The following MAMLD1 variants were observed in gnomAD, a reference collection of about 807,000 sequenced individuals.
The protein encoded by MAMLD1 is mastermind-like domain-containing protein 1.
Under a neutral mutation model 45.0 loss-of-function variants are expected in MAMLD1, and 14 were observed. That is an observed-to-expected ratio of 0.31 (90% CI 0.21 to 0.49). MAMLD1 has a LOEUF of 0.49. Among genes scored for constraint, MAMLD1 ranks in the 20% least tolerant of loss-of-function variants. The probability of loss-of-function intolerance (pLI) is 0.99; values close to 1 mark genes in which losing one functional copy is unlikely to be tolerated. For missense variants in MAMLD1, 543 were observed against 603.6 expected (o/e 0.90, Z 1.05); for synonymous variants, 254 against 247.8 (o/e 1.02, Z -0.24).
At chrX:150,476,259 T>G (rs892615912) in intron 5 of MAMLD1, among the ~76,000 whole-genome samples, 1 of 111,921 alleles carries the variant, frequency 8.9e-6, no homozygotes, top group South Asian at 3.7e-4. Context: ...GTGATATATC[T>G]TGATGTTTAA....
At chrX:150,380,563 G>A (rs1163345449) in intron 1 of MAMLD1, among the ~76,000 whole-genome samples, 1 of 109,817 alleles carries the variant, frequency 9.1e-6, no homozygotes, top group Non-Finnish European at 1.9e-5. Flanking sequence ...TATCATATCC[G>A]GATTTGAATC....
At chrX:150,497,393 C>G (rs1414339752) in intron 5 of MAMLD1, among the ~76,000 whole-genome samples, 2 of 104,486 alleles carry the variant, frequency 1.9e-5, no homozygotes, top group African/African-American at 7.1e-5. Flanking sequence ...AAGTGATTCT[C>G]GTGCCTCAGC....
chrX:150,399,545 T>C (rs1289757423), intron 1 of MAMLD1, among the ~76,000 whole-genome samples: 4 of 111,338 alleles, frequency 3.6e-5, no homozygotes, highest in Non-Finnish European at 7.5e-5. Flanking sequence ...CCAATATGAC[T>C]AGTGTAGTTA....
At chrX:150,450,025 A>T (rs1207600161) in intron 2 of MAMLD1, among the ~76,000 whole-genome samples, 1 of 110,481 alleles carries the variant, frequency 9.1e-6, no homozygotes, top group Non-Finnish European at 1.9e-5. Context: ...TCTCAAACTC[A>T]GGTGCCCTGC....
intron 1 of MAMLD1, among the ~76,000 whole-genome samples, chrX:150,367,715 C>A (rs188348763): frequency 4.9e-4 from 54 of 109,843 alleles, no homozygotes; most frequent in African/African-American, 1.7e-3. Context: ...CCTCCTCCCC[C>A]CACCCCACGA....
At chrX:150,431,256 A>G (rs1187699401) in intron 1 of MAMLD1, among the ~76,000 whole-genome samples, 4 of 111,650 alleles carry the variant, frequency 3.6e-5, no homozygotes, top group Non-Finnish European at 7.5e-5. Flanking sequence ...CAGGAATGCA[A>G]TTAATTTTTA....
intron 5 of MAMLD1, among the ~76,000 whole-genome samples, chrX:150,491,292 C>T (rs1324250631): frequency 3.6e-5 from 4 of 111,921 alleles, no homozygotes; most frequent in Non-Finnish European, 7.5e-5. Flanking sequence ...GATTTCAGGT[C>T]TCCTGCCTTG....
At chrX:150,431,172 CGTAA>C (rs1302531456) in intron 1 of MAMLD1, among the ~76,000 whole-genome samples, 7 of 111,513 alleles carry the variant, frequency 6.3e-5, no homozygotes, top group African/African-American at 2.3e-4. Flanking sequence ...TTGATTTACA[CGTAA>C]GTGTTTTTTG....
Position 150,468,250 on chromosome X carries a change from G to T in MAMLD1, c.172-1495G>T, listed in dbSNP as rs1444709729. On this transcript the variant is annotated intron_variant, in intron 3 of 7. Transcript: ENST00000370401. ...TACAGCCCTGGGGATCTGCTTTGAT[G>T]TTCACTTGGCCATGACAGTCATGCC... is the stretch of plus-strand genomic sequence containing the variant. Among the ~76,000 whole-genome samples, 20 of 112,234 alleles carry T rather than the reference G, an allele frequency of 1.8e-4. No homozygotes were observed. The Admixed American group carries it at 1.9e-3, about 11-fold the overall frequency.
chrX:150,438,413 T>A (rs954638025), intron 1 of MAMLD1, among the ~76,000 whole-genome samples: 3 of 112,464 alleles, frequency 2.7e-5, no homozygotes, highest in Non-Finnish European at 5.6e-5. Context: ...TGATATTTAG[T>A]ACATTCACAA....
chrX:150,480,606 G>C (rs782534954), intron 5 of MAMLD1, among the ~76,000 whole-genome samples: 2 of 111,786 alleles, frequency 1.8e-5, no homozygotes, highest in African/African-American at 6.5e-5. Context: ...CTAAGATAGA[G>C]AGTGGAATAA....
chrX:150,428,378 A>G (rs2034789350), intron 1 of MAMLD1, among the ~76,000 whole-genome samples: 1 of 112,654 alleles, frequency 8.9e-6, no homozygotes, highest in African/African-American at 3.2e-5. Context: ...ATAAAATCGA[A>G]AGTTGAAGAC....
At position 150,513,870 on chromosome X, in the gene MAMLD1, T is replaced by C; in HGVS notation, c.*1911T>C. The stretch of plus-strand genomic sequence containing the variant: ...GGGGTTAAGGCGAGCTGTTCCTGGT[T>C]TAAAGCCTTTCAGTATTTGTTTTGA... On this transcript the variant is annotated 3_prime_UTR_variant, in exon 8 of 8. Coordinates refer to ENST00000370401, the MANE Select transcript of MAMLD1 (RefSeq NM_005491.5). 1 of 297,802 alleles carries C rather than the reference T, an allele frequency of 3.4e-6. No individual in the cohort carries two copies. The highest frequency in any genetic ancestry group is 4.7e-5 in the East Asian group (1 of 21,080). The allele number at this position is 297,802 out of a possible 1,213,427, so 24.5% of individuals were successfully genotyped here.
intron 1 of MAMLD1, among the ~76,000 whole-genome samples, chrX:150,368,586 T>A (rs2031710903): frequency 9.0e-6 from 1 of 111,538 alleles, no homozygotes; most frequent in Non-Finnish European, 1.9e-5. Flanking sequence ...TTTGTCAATT[T>A]TGGCTTTTGT....
At chrX:150,384,093 T>A (rs2032799853) in intron 1 of MAMLD1, among the ~76,000 whole-genome samples, 1 of 112,174 alleles carries the variant, frequency 8.9e-6, no homozygotes, top group African/African-American at 3.2e-5. Context: ...CAAGTTTTTG[T>A]GTGGACATAT....
At chrX:150,495,873 T>C (rs960417268) in intron 5 of MAMLD1, among the ~76,000 whole-genome samples, 11 of 112,833 alleles carry the variant, frequency 9.7e-5, no homozygotes, top group Admixed American at 8.4e-4. Context: ...TGCTGTCTTG[T>C]GATTCAGCTT....
chrX:150,402,910 T>A (rs1016447322), intron 1 of MAMLD1, among the ~76,000 whole-genome samples: 3 of 109,653 alleles, frequency 2.7e-5, no homozygotes, highest in African/African-American at 6.7e-5. Context: ...CATCACACTC[T>A]GGGGACTGTT....
At chrX:150,365,803 C>T (rs1557400707) in intron 1 of MAMLD1, among the ~76,000 whole-genome samples, 1 of 112,713 alleles carries the variant, frequency 8.9e-6, no homozygotes, top group Non-Finnish European at 1.9e-5. Context: ...TGAGGATGAG[C>T]GTGCTACTCT....
chrX:150,397,967 G>A (rs782151965), intron 1 of MAMLD1, among the ~76,000 whole-genome samples: 2 of 109,806 alleles, frequency 1.8e-5, no homozygotes, highest in Non-Finnish European at 3.8e-5. Flanking sequence ...ACCTTATGAG[G>A]CAGCCCATTT....
Sources: gnomAD v4.1 joint callset for allele counts (sites outside exome capture counted in the v4.1 genomes callset) on GRCh38, gnomAD v4.1.1 for gene constraint, MANE v1.5 for transcripts, NCBI Gene and HGNC (gene_info 2026-07-23, HGNC 2026-07-21) for gene names.